The following ZNF804B variants were observed in gnomAD, a reference collection of about 807,000 sequenced individuals.
ZNF804B encodes zinc finger protein 804B.
A neutral mutation model predicts 101.4 loss-of-function variants in ZNF804B; 80 were observed. The observed-to-expected ratio is 0.79, with a 90% CI of 0.66 to 0.95. ZNF804B has a LOEUF of 0.95. Among genes scored for constraint, ZNF804B ranks in the 40% least tolerant of loss-of-function variants. The pLI, the probability that ZNF804B is intolerant of heterozygous loss-of-function variation, is 0.00. For synonymous variants in ZNF804B, 622 were observed against 558.8 expected, an observed-to-expected ratio of 1.11 and a Z score of -1.59; for missense variants, 1,673 against 1,561.9, an observed-to-expected ratio of 1.07 and a Z score of -1.20.
chr7:89,312,629 A>G (rs897420707), intron 2 of ZNF804B, among the ~76,000 whole-genome samples: 1 of 152,144 alleles, frequency 6.6e-6, no homozygotes, highest in Non-Finnish European at 1.5e-5. Flanking sequence ...AGCTTCTAAC[A>G]TGGGAGATCT....
chr7:89,202,387 T>A (rs531915114), intron 1 of ZNF804B, among the ~76,000 whole-genome samples: 1 of 152,208 alleles, frequency 6.6e-6, no homozygotes, highest in African/African-American at 2.4e-5. Flanking sequence ...AAACTCTAAA[T>A]GCATTTTTTA....
chr7:89,024,012 A>G (rs1320529953), intron 1 of ZNF804B, among the ~76,000 whole-genome samples: 1 of 152,184 alleles, frequency 6.6e-6, no homozygotes, highest in Admixed American at 6.5e-5. Flanking sequence ...TGTGACCATC[A>G]CATATGTTCT....
chr7:89,113,531 G>A (rs1790253040), intron 1 of ZNF804B, among the ~76,000 whole-genome samples: 1 of 152,110 alleles, frequency 6.6e-6, no homozygotes, highest in Admixed American at 6.5e-5. Context: ...AAGGACTAGG[G>A]AGGGTATTTT....
intron 1 of ZNF804B, among the ~76,000 whole-genome samples, chr7:88,856,613 A>G (rs965190477): frequency 2.0e-5 from 3 of 152,018 alleles, no homozygotes; most frequent in African/African-American, 4.8e-5. Flanking sequence ...TCTCCTGCCT[A>G]ATTGCCCTGG....
At chr7:89,061,573 G>A (rs1789380445) in intron 1 of ZNF804B, among the ~76,000 whole-genome samples, 1 of 152,094 alleles carries the variant, frequency 6.6e-6, no homozygotes, top group South Asian at 2.1e-4. Context: ...CAGCACTATT[G>A]TGGATAAGAG....
intron 1 of ZNF804B, among the ~76,000 whole-genome samples, chr7:88,935,541 T>C (rs1447685771): frequency 2.6e-5 from 4 of 151,542 alleles, no homozygotes; most frequent in African/African-American, 9.7e-5. Context: ...TAATTTTTTT[T>C]TAATAAAAAG....
rs146820821 is a variant in ZNF804B at position 89,200,861 on chromosome 7, A to G, written c.109-17294A>G. ...CTGGATTCTTTTGCCCACCTGAGGC[A>G]TCTGTTTTCTCTTTCTATCTCCATG... is the stretch of plus-strand genomic sequence containing the variant. On this transcript the variant is annotated intron_variant, in intron 1 of 3. Transcript: ENST00000333190. Among the ~76,000 whole-genome samples the G allele has an allele frequency of 5.0e-3, 764 of 152,092 alleles. 12 individuals are homozygous for G. Among genetic ancestry groups the G allele is most frequent in the African/African-American group, 0.017 (717 of 41,534 alleles).
At chr7:88,763,025 C>A (rs775448190) in intron 1 of ZNF804B, among the ~76,000 whole-genome samples, 2 of 152,106 alleles carry the variant, frequency 1.3e-5, no homozygotes, top group Non-Finnish European at 2.9e-5. Context: ...AAGCTACAAT[C>A]CCTTTTTGAC....
At chr7:89,078,531 C>T (rs1430172431) in intron 1 of ZNF804B, among the ~76,000 whole-genome samples, 1 of 151,824 alleles carries the variant, frequency 6.6e-6, no homozygotes, top group African/African-American at 2.4e-5. Context: ...GGAAGGTTTT[C>T]CTTTCCCTTC....
intron 1 of ZNF804B, among the ~76,000 whole-genome samples, chr7:88,937,103 C>T (rs1353724627): frequency 4.1e-5 from 5 of 120,584 alleles, no homozygotes; most frequent in East Asian, 2.9e-4. Context: ...TTTGAAAAAA[C>T]TATGAGAATA....
intron 1 of ZNF804B, among the ~76,000 whole-genome samples, chr7:88,980,021 A>G (rs556942788): frequency 1.3e-5 from 2 of 150,162 alleles, no homozygotes; most frequent in African/African-American, 2.5e-5. Flanking sequence ...TGCATTCTTT[A>G]GTATATAAGT....
chr7:89,047,639 G>A (rs1020459174), intron 1 of ZNF804B, among the ~76,000 whole-genome samples: 4 of 152,158 alleles, frequency 2.6e-5, no homozygotes, highest in African/African-American at 7.2e-5. Context: ...AGTCGTAAAT[G>A]TTCACAAATG....
intron 1 of ZNF804B, among the ~76,000 whole-genome samples, chr7:89,070,508 T>C (rs954273830): frequency 2.0e-5 from 3 of 152,188 alleles, no homozygotes; most frequent in African/African-American, 7.2e-5. Context: ...TGTCTGCTAA[T>C]ACCATCTCAA....
intron 3 of ZNF804B, among the ~76,000 whole-genome samples, chr7:89,331,408 C>T (rs974231458): frequency 6.6e-6 from 1 of 151,670 alleles, no homozygotes; most frequent in African/African-American, 2.4e-5. Flanking sequence ...GAATGCTCCT[C>T]ACTATTCATT....
rs373726303 is a variant in ZNF804B at position 89,138,480 on chromosome 7, T to A, written c.109-79675T>A. Among the ~76,000 whole-genome samples the A allele has an allele frequency of 8.5e-5, 13 of 152,268 alleles. No individual in the cohort carries two copies. In the East Asian group the frequency reaches 2.3e-3, roughly 27 times the overall value. ...ATGTCTCAGATGAGACTTTGTACTG[T>A]AGACTTTTGAGTTAATGCTGAAATG... On this transcript the variant is annotated intron_variant, in intron 1 of 3. Coordinates refer to ENST00000333190, the MANE Select transcript of ZNF804B (RefSeq NM_181646.5).
chr7:88,835,482 T>C (rs1296050761), intron 1 of ZNF804B, among the ~76,000 whole-genome samples: 1 of 151,924 alleles, frequency 6.6e-6, no homozygotes, highest in East Asian at 1.9e-4. Flanking sequence ...TATTCCTGAA[T>C]GGACAAAGAA....
chr7:88,973,487 G>T (rs971197738), intron 1 of ZNF804B, among the ~76,000 whole-genome samples: 1 of 151,180 alleles, frequency 6.6e-6, no homozygotes, highest in African/African-American at 2.4e-5. Flanking sequence ...ATAAAACCTG[G>T]AAACATACTT....
intron 2 of ZNF804B, among the ~76,000 whole-genome samples, chr7:89,250,189 T>TA (rs199943175): frequency 0.047 from 7,016 of 149,930 alleles, 524 homozygotes; most frequent in African/African-American, 0.16. Context: ...TTTGTTTCAT[T>TA]AAAAAAAAAT....
At chr7:88,962,120 T>G (rs923011245) in intron 1 of ZNF804B, among the ~76,000 whole-genome samples, 5 of 151,308 alleles carry the variant, frequency 3.3e-5, no homozygotes, top group African/African-American at 1.2e-4. Context: ...TTGAAGAAAC[T>G]GGTAATGACA....
Sources: gnomAD v4.1 joint callset for allele counts (sites outside exome capture counted in the v4.1 genomes callset) on GRCh38, gnomAD v4.1.1 for gene constraint, MANE v1.5 for transcripts, NCBI Gene and HGNC (gene_info 2026-07-23, HGNC 2026-07-21) for gene names.